The following KITLG variants were observed in gnomAD, a reference collection of about 807,000 sequenced individuals.
The protein encoded by KITLG is KIT ligand, also known as c-Kit ligand.
KITLG carries 13 observed loss-of-function variants against 34.1 expected under a neutral mutation model. That is an observed-to-expected ratio of 0.38 (90% CI 0.25 to 0.61). The LOEUF (loss-of-function observed/expected upper bound fraction) is 0.61. Among genes scored for constraint, KITLG ranks in the 20% least tolerant of loss-of-function variants. The pLI is 0.60. For synonymous variants in KITLG, 110 were observed against 104.0 expected (o/e 1.06, Z -0.35); for missense variants, 292 against 318.9 (o/e 0.92, Z 0.64).
At chr12:88,530,259 C>A (rs573873559) in intron 3 of KITLG, among the ~76,000 whole-genome samples, 1 of 152,110 alleles carries the variant, frequency 6.6e-6, no homozygotes, top group Admixed American at 6.6e-5. Context: ...CCTCACTTTC[C>A]GTAACCCAGG....
chr12:88,567,822 C>A (rs1871496173), intron 1 of KITLG, among the ~76,000 whole-genome samples: 1 of 152,240 alleles, frequency 6.6e-6, no homozygotes, highest in Middle Eastern at 3.4e-3. Flanking sequence ...CTATTATAAA[C>A]CTCATTTTAC....
chr12:88,520,905 C>T (rs1869632316), intron 3 of KITLG, among the ~76,000 whole-genome samples: 2 of 152,166 alleles, frequency 1.3e-5, no homozygotes, highest in African/African-American at 2.4e-5. Context: ...AGTAAAATTT[C>T]CAACCCCAAT....
At chr12:88,563,429 CT>C (rs1380903035) in intron 1 of KITLG, among the ~76,000 whole-genome samples, 23 of 152,218 alleles carry the variant, frequency 1.5e-4, no homozygotes, top group African/African-American at 4.8e-4. Flanking sequence ...TGATGTTCCC[CT>C]ATCATGCAAC....
rs571811444 is a variant in KITLG at position 88,550,544 on chromosome 12, C to T, written c.16-4679G>A. On this transcript the variant is annotated intron_variant, in intron 1 of 9. Coordinates refer to ENST00000644744, the MANE Select transcript of KITLG (RefSeq NM_000899.5). ...TAAAAGTTACTGAACATTTACTATA[C>T]ACCAAGCATCTTGGATATCTAATAA... Among the ~76,000 whole-genome samples the T allele has an allele frequency of 3.3e-5, 5 of 152,320 alleles. No individual in the cohort carries two copies. In the East Asian group the frequency reaches 9.6e-4, roughly 29 times the overall value.
At chr12:88,545,937 A>G in intron 1 of KITLG, 72 bp from the exon 2 acceptor site, 1 of 876,998 alleles carries the variant, frequency 1.1e-6, no homozygotes, top group Non-Finnish European at 1.9e-6. Context: ...TTTAACATCT[A>G]ATGCCTTGAT....
intron 1 of KITLG, among the ~76,000 whole-genome samples, chr12:88,566,912 C>T (rs574321154): frequency 1.3e-5 from 2 of 152,290 alleles, no homozygotes; most frequent in African/African-American, 4.8e-5. Context: ...CATAGCAATA[C>T]AGTACCACAT....
intron 7 of KITLG, 49 bp downstream of exon 7, chr12:88,506,979 A>G (rs114029228): frequency 1.0e-6 from 1 of 995,362 alleles, no homozygotes; most frequent in African/African-American, 1.6e-5. Flanking sequence ...AAAGATGATA[A>G]TTTATGTAAA....
In KITLG at chr12:88,508,963, A is replaced by G. The variant is rs143855606; in HGVS notation, c.605-1826T>C. On this transcript the variant is annotated intron_variant, in intron 6 of 9. Coordinates refer to ENST00000644744, the MANE Select transcript of KITLG (RefSeq NM_000899.5). ...GGTTACAAACAATTCGCACCATTTG[A>G]GGAATTTTAATAATACTGTTTGTAA... is the stretch of plus-strand genomic sequence containing the variant. Among the ~76,000 whole-genome samples the G allele has an allele frequency of 4.8e-3, 728 of 152,322 alleles. 7 individuals carry two copies. Among genetic ancestry groups the G allele is most frequent in the African/African-American group, 0.017 (707 of 41,574 alleles).
Position 88,505,304 on chromosome 12 carries a change from G to A in KITLG, c.783-69C>T, listed in dbSNP as rs1869017140. The A allele has an allele frequency of 8.5e-6, 11 of 1,289,550 alleles. No homozygotes were observed. The Admixed American group carries it at 1.9e-4, about 22-fold the overall frequency. 79.9% of individuals were successfully genotyped at this position (1,289,550 alleles called of 1,614,324 possible). On this transcript the variant is annotated intron_variant, in intron 8 of 9. Coordinates refer to ENST00000644744, the MANE Select transcript of KITLG (RefSeq NM_000899.5). ...GATTCTGAGGTACACCATGATCTCGGCATTGTAAAAGGCAGCTTTTCTGTA... is the reference window on the plus strand; with the variant it reads ...GATTCTGAGGTACACCATGATCTCGACATTGTAAAAGGCAGCTTTTCTGTA...
intron 1 of KITLG, among the ~76,000 whole-genome samples, chr12:88,563,606 T>C (rs1051704698): frequency 2.0e-5 from 3 of 152,206 alleles, no homozygotes; most frequent in South Asian, 2.1e-4. Flanking sequence ...ATCCATGGAA[T>C]TATCCTTAGC....
chr12:88,545,269 T>G (rs1396741649), intron 2 of KITLG, among the ~76,000 whole-genome samples: 1 of 152,218 alleles, frequency 6.6e-6, no homozygotes, highest in Non-Finnish European at 1.5e-5. Context: ...CTATGTTCCC[T>G]GAAGGAGCAA....
intron 2 of KITLG, among the ~76,000 whole-genome samples, chr12:88,532,874 A>G (rs1870151141): frequency 1.3e-5 from 2 of 152,054 alleles, no homozygotes; most frequent in South Asian, 4.1e-4. Flanking sequence ...CATGCTTTTT[A>G]TGTCAGTGGT....
intron 1 of KITLG, among the ~76,000 whole-genome samples, chr12:88,578,768 C>T (rs987561836): frequency 2.0e-5 from 3 of 152,132 alleles, no homozygotes; most frequent in African/African-American, 7.2e-5. Flanking sequence ...GCTTCTTCCC[C>T]CAGATCTCAC....
At chr12:88,506,944 T>C in intron 7 of KITLG, 84 bp downstream of exon 7, 1 of 850,290 alleles carries the variant, frequency 1.2e-6, no homozygotes, top group South Asian at 1.4e-5. Flanking sequence ...CACTGTTTTC[T>C]TAAAGGATCA....
At chr12:88,548,230 C>T (rs191780279) in intron 1 of KITLG, among the ~76,000 whole-genome samples, 16 of 152,022 alleles carry the variant, frequency 1.1e-4, no homozygotes, top group Middle Eastern at 3.4e-3. Context: ...CCGAGGTGGG[C>T]GGATCACGAG....
intron 3 of KITLG, among the ~76,000 whole-genome samples, chr12:88,528,613 A>C (rs1869966334): frequency 6.6e-6 from 1 of 152,232 alleles, no homozygotes. Flanking sequence ...AGGTAAGAAA[A>C]TATCCTTCAC....
rs949740848 is a variant in KITLG, at chr12:88,494,121, C to G, written c.*3098G>C. On this transcript the variant is annotated 3_prime_UTR_variant, in exon 10 of 10. Coordinates refer to ENST00000644744, the MANE Select transcript of KITLG (RefSeq NM_000899.5). Reference sequence around the variant, plus strand: ...ATATAGATAAATAAAAAATTGAGACCCAAAGAAGAGAGGTGATTTACCATA... The same window carrying G: ...ATATAGATAAATAAAAAATTGAGACGCAAAGAAGAGAGGTGATTTACCATA... 1 of 151,638 alleles carries G rather than the reference C, an allele frequency of 6.6e-6. No homozygotes were observed. Among genetic ancestry groups the G allele is most frequent in the Non-Finnish European group, 1.5e-5 (1 of 67,784 alleles). 9.4% of individuals were successfully genotyped at this position (151,638 alleles called of 1,614,324 possible).
At chr12:88,561,748 C>T (rs1401623797) in intron 1 of KITLG, among the ~76,000 whole-genome samples, 2 of 152,184 alleles carry the variant, frequency 1.3e-5, no homozygotes, top group African/African-American at 2.4e-5. Flanking sequence ...ATCTTCCCAC[C>T]ATGCTCTAGC....
intron 1 of KITLG, among the ~76,000 whole-genome samples, chr12:88,555,945 C>T (rs976935524): frequency 9.2e-5 from 14 of 152,068 alleles, no homozygotes; most frequent in African/African-American, 3.1e-4. Context: ...AAAGGCCCAG[C>T]CCCTCCCTCA....
Sources: allele counts gnomAD v4.1 joint callset (sites outside exome capture counted in the v4.1 genomes callset), GRCh38; gene constraint gnomAD v4.1.1; transcripts MANE v1.5; gene names NCBI Gene and HGNC (gene_info 2026-07-23, HGNC 2026-07-21).